Variants in UBA7 observed in about 807,000 individuals in gnomAD.
UBA7 encodes ubiquitin-like modifier-activating enzyme 7.
In UBA7, 88 loss-of-function variants were observed where a neutral mutation model predicts 113.0. The ratio of observed to expected loss-of-function variants is 0.78; its 90% confidence interval spans 0.66 to 0.93. The LOEUF (loss-of-function observed/expected upper bound fraction) is 0.93, where lower values mean the gene tolerates loss of function less well. UBA7 is among the 40% of genes least tolerant of loss of function. The pLI, the probability that UBA7 is intolerant of heterozygous loss-of-function variation, is 0.00. For synonymous variants in UBA7, 459 were observed against 513.0 expected (o/e 0.89, Z 1.42); for missense variants, 1,092 against 1,266.4 (o/e 0.86, Z 2.09).
In UBA7 at chr3:49,809,595, G is replaced by A. The variant is rs1195541771; in HGVS notation, c.2035C>T (p.Leu679Phe). The change falls in exon 16 of 24, where the codon CTC becomes TTC. Residue 679 changes from leucine (L) to phenylalanine (F), a missense_variant. This residue lies in a region of UBA7 where 500 missense variants were observed against 529.3 expected (regional missense o/e 0.94). Coordinates refer to ENST00000333486, the MANE Select transcript of UBA7 (RefSeq NM_003335.3). Reference protein sequence around the residue: ...CVAWALGHWKLCFHYGIKQLL... With the variant: ...CVAWALGHWKFCFHYGIKQLL... ...TGTTTGATGCCATAATGAAAGCAGAGTTTCCAGTGGCCAAGAGCCCACGCC... is the reference window on the plus strand; with the variant it reads ...TGTTTGATGCCATAATGAAAGCAGAATTTCCAGTGGCCAAGAGCCCACGCC... The A allele has an allele frequency of 1.2e-6, 2 of 1,614,126 alleles. No homozygotes were observed. Among genetic ancestry groups the A allele is most frequent in the East Asian group, 2.2e-5 (1 of 44,892 alleles).
At position 49,813,772 on chromosome 3, in the gene UBA7, C is replaced by T. The variant is rs765206263; in HGVS notation, c.16G>A (p.Ala6Thr). The T allele has an allele frequency of 1.1e-5, 17 of 1,614,084 alleles. No homozygotes were observed. The African/African-American group carries it at 1.1e-4, about 10-fold the overall frequency. Reference sequence around the variant, plus strand: ...AGCTCCTCATCCAGTAGCTTCGAAGCGTCCAGGGCATCCATCCTCAAACCT... The same window carrying T: ...AGCTCCTCATCCAGTAGCTTCGAAGTGTCCAGGGCATCCATCCTCAAACCT... MDALD[A>T]SKLLDEELYS... The change falls in exon 1 of 24, where the codon GCT becomes ACT. Residue 6 changes from alanine (A) to threonine (T), a missense_variant. By Grantham distance (58) the Ala-to-Thr change is moderately conservative. Around this residue, in one of 3 missense-constraint regions of UBA7, gnomAD observed 584 missense variants for 714.5 expected, o/e 0.82. Coordinates refer to ENST00000333486, the MANE Select transcript of UBA7 (RefSeq NM_003335.3).
At position 49,805,384 on chromosome 3, in the gene UBA7, C is replaced by T. The variant is rs908037461; in HGVS notation, c.2963G>A (p.Arg988Gln). The T allele has an allele frequency of 1.4e-5, 22 of 1,613,736 alleles. No homozygotes were observed. The highest frequency in any genetic ancestry group is 1.6e-4 in the Middle Eastern group (1 of 6,084). The change falls in exon 24 of 24, where the codon CGG (arginine) becomes CAG (glutamine). Residue 988 changes from arginine (R) to glutamine (Q), a missense_variant. This residue lies in a region of UBA7 where 500 missense variants were observed against 529.3 expected (regional missense o/e 0.94). Transcript: ENST00000333486. ...LTGQAPAPGQ[R>Q]VLVLELSCEG... is the part of the protein sequence containing the mutation. Reference sequence around the variant, plus strand: ...ACAGCTCAGCTCTAGCACCAACACCCGCTGCCCAGGAGCAGGTGCCTGGCC... The same window carrying T: ...ACAGCTCAGCTCTAGCACCAACACCTGCTGCCCAGGAGCAGGTGCCTGGCC...
In UBA7 at chr3:49,807,900, G is replaced by A. The variant is rs1348400625; in HGVS notation, c.2551C>T (p.Pro851Ser). ...QSKRIVGQII[P>S]AIATTTAAVA... ...GCTGCTGTAGTGGTGGCAATGGCTG[G>A]GATAATCTGGCCCACAATTCGCTTG... The change falls in exon 21 of 24, where the codon CCA (proline) becomes TCA (serine). Residue 851 changes from proline (P) to serine (S), a missense_variant. Around this residue, in one of 3 missense-constraint regions of UBA7, gnomAD observed 500 missense variants for 529.3 expected, o/e 0.94. Coordinates refer to ENST00000333486, the MANE Select transcript of UBA7 (RefSeq NM_003335.3). The surrounding 1 kb of genome is among the most constrained non-coding windows in gnomAD (Gnocchi z 4.0). 1 of 1,612,676 alleles carries A rather than the reference G, an allele frequency of 6.2e-7. No individual in the cohort carries two copies. Among genetic ancestry groups the A allele is most frequent in the South Asian group, 1.1e-5 (1 of 90,998 alleles).
At position 49,813,463 on chromosome 3, in the gene UBA7, C is replaced by A. The variant is rs1385742240; in HGVS notation, c.225+16G>T. ...CCACCTTGGTCTGGCAGCCCATAGC[C>A]CCCCAGGACACTTACCTGGGCAGCC... On this transcript the variant is annotated intron_variant, in intron 2 of 23. Coordinates refer to ENST00000333486, the MANE Select transcript of UBA7 (RefSeq NM_003335.3). The A allele has an allele frequency of 4.3e-6, 7 of 1,610,766 alleles. No individual in the cohort carries two copies. The African/African-American group carries it at 8.0e-5, about 18-fold the overall frequency.
rs1347625483 is a variant in UBA7 at position 49,805,256 on chromosome 3, AG to A, written c.*51del. On this transcript the variant is annotated 3_prime_UTR_variant, in exon 24 of 24. Transcript: ENST00000333486. ...AGTGCCTACTGTGGGCTTACAATGC[AG>A]GGCTTGGGATCCGGGGCTCCATTGA... 72 of 1,568,630 alleles carry A rather than the reference AG, an allele frequency of 4.6e-5. 1 individual carries two copies. The highest frequency in any genetic ancestry group is 5.5e-5 in the Non-Finnish European group (63 of 1,143,322).
Position 49,813,044 on chromosome 3 carries a change from G to A in UBA7, c.467+18C>T. ...TGCTGGCTGTAATATGGTAGGCTGG[G>A]CAGGCAGTCTTACTCACCCCACGAG... On this transcript the variant is annotated intron_variant, in intron 4 of 23. Transcript: ENST00000333486. The A allele has an allele frequency of 6.2e-7, 1 of 1,608,860 alleles. No homozygotes were observed. The highest frequency in any genetic ancestry group is 1.3e-5 in the African/African-American group (1 of 74,980).
rs745809451 is a variant in UBA7 at position 49,809,603 on chromosome 3, T to C, written c.2027A>G (p.His676Arg). The C allele has an allele frequency of 6.2e-7, 1 of 1,614,006 alleles. No individual in the cohort carries two copies. The highest frequency in any genetic ancestry group is 1.3e-5 in the African/African-American group (1 of 74,928). Reference sequence around the variant, plus strand: ...GCCATAATGAAAGCAGAGTTTCCAGTGGCCAAGAGCCCACGCCACACAGTC... The same window carrying C: ...GCCATAATGAAAGCAGAGTTTCCAGCGGCCAAGAGCCCACGCCACACAGTC... The part of the protein sequence containing the change: ...WQDCVAWALG[H>R]WKLCFHYGIK... The change falls in exon 16 of 24, where the codon CAC becomes CGC. Residue 676 changes from histidine (H) to arginine (R), a missense_variant. His to Arg is a conservative substitution (Grantham distance 29). Transcript: ENST00000333486.
Position 49,810,357 on chromosome 3 carries a change from G to T in UBA7, c.1539C>A (p.Thr513=), listed in dbSNP as rs1201535316. Residue 513 remains threonine (T), a synonymous_variant, in exon 13 of 24, where the codon ACC becomes ACA. Coordinates refer to ENST00000333486, the MANE Select transcript of UBA7 (RefSeq NM_003335.3). The surrounding 1 kb of genome is among the most constrained non-coding windows in gnomAD (Gnocchi z 5.6). ...GCTCTGTGGTGGGATCCAGTGGGTA[G>T]GTGAGCGGGATCACCTGTAAGTCTG... ...LNPDLQVIPL[T]YPLDPTTEHI... 1 of 1,614,178 alleles carries T rather than the reference G, an allele frequency of 6.2e-7. No homozygotes were observed. The highest frequency in any genetic ancestry group is 8.5e-7 in the Non-Finnish European group (1 of 1,180,026).
Position 49,812,457 on chromosome 3 carries a change from C to T in UBA7, c.645G>A (p.Glu215=), listed in dbSNP as rs1266911007. 6.2e-7 allele frequency: 1 copy of T among 1,614,120 alleles called. No individual in the cohort carries two copies. The highest frequency in any genetic ancestry group is 2.2e-5 in the East Asian group (1 of 44,898). ...DGDLVTFSGI[E]GMVELNDCDP... ...CACAGTCGTTGAGCTCAACCATTCCCTCAATTCCCGAGAAAGTCACCAAGT... is the reference window on the plus strand; with the variant it reads ...CACAGTCGTTGAGCTCAACCATTCCTTCAATTCCCGAGAAAGTCACCAAGT... Residue 215 remains glutamate (E), a synonymous_variant, in exon 6 of 24, where the codon GAG becomes GAA. Transcript: ENST00000333486.
Position 49,812,664 on chromosome 3 carries a change from A to G in UBA7, c.542T>C (p.Ile181Thr), listed in dbSNP as rs2081569005. The G allele has an allele frequency of 1.2e-6, 2 of 1,614,218 alleles. No homozygotes were observed. The highest frequency in any genetic ancestry group is 1.7e-6 in the Non-Finnish European group (2 of 1,180,038). ...PTEAEPLTAA[I>T]QHISQGSPGI... ...AGCACCCACCTGGGAGATGTGCTGGATGGCAGCTGTCAGGGGTTCTGCCTC... is the reference window on the plus strand; with the variant it reads ...AGCACCCACCTGGGAGATGTGCTGGGTGGCAGCTGTCAGGGGTTCTGCCTC... Residue 181 changes from isoleucine to threonine, a missense_variant, in exon 5 of 24, where the codon ATC (isoleucine) becomes ACC (threonine). Physicochemically the swap from Ile to Thr is moderately conservative, Grantham distance 89 (BLOSUM62 -1). Coordinates refer to ENST00000333486, the MANE Select transcript of UBA7 (RefSeq NM_003335.3).
Position 49,806,149 on chromosome 3 carries a change from C to T in UBA7, c.2732G>A (p.Trp911Ter), listed in dbSNP as rs1484945908. The change falls in exon 22 of 24, where the codon TGG becomes TAG. Residue 911 changes from tryptophan (W) to a stop codon, truncating the protein, a stop_gained. Coordinates refer to ENST00000333486, the MANE Select transcript of UBA7 (RefSeq NM_003335.3). LOFTEE classifies it high-confidence loss of function. ...PAIQTFHHLK[W>*]TSWDRLKVPA... ...TACCTTCAGACGGTCCCAAGAGGTC[C>T]ACTTCAGGTGATGGAACTGGGATGA... 6.2e-7 allele frequency: 1 copy of T among 1,600,614 alleles called. No homozygotes were observed. The highest frequency in any genetic ancestry group is 8.5e-7 in the Non-Finnish European group (1 of 1,174,168).
rs1455270584 is a variant in UBA7, at chr3:49,808,412, G to C, written c.2404C>G (p.Pro802Ala). 2.5e-6 allele frequency: 4 copies of C among 1,614,208 alleles called. No individual in the cohort carries two copies. In the South Asian group the frequency reaches 3.3e-5, roughly 13 times the overall value. Residue 802 changes from proline (P) to alanine (A), a missense_variant, in exon 19 of 24, where the codon CCC (proline) becomes GCC (alanine). Physicochemically the swap from Pro to Ala is conservative, Grantham distance 27 (BLOSUM62 -1). Coordinates refer to ENST00000333486, the MANE Select transcript of UBA7 (RefSeq NM_003335.3). ...KALEVWSVGP[P>A]LKPLMFEKDD... The stretch of plus-strand genomic sequence containing the variant: ...TTCTCAAACATCAGAGGCTTCAGGG[G>C]AGGGCCCACACTCCAGACTTCCAGG...
rs759934686 is a variant in UBA7, at chr3:49,813,718, A to G, written c.56+14T>C. 1 of 1,614,010 alleles carries G rather than the reference A, an allele frequency of 6.2e-7. No individual in the cohort carries two copies. The highest frequency in any genetic ancestry group is 8.5e-7 in the Non-Finnish European group (1 of 1,179,968). On this transcript the variant is annotated intron_variant, in intron 1 of 23. Coordinates refer to ENST00000333486, the MANE Select transcript of UBA7 (RefSeq NM_003335.3). Reference sequence around the variant, plus strand: ...AAGACCATCCCACTCTCCACCCCCCACCTCGGGCCTCACAGCTGTCTTGAA... The same window carrying G: ...AAGACCATCCCACTCTCCACCCCCCGCCTCGGGCCTCACAGCTGTCTTGAA...
chr3:49,813,365 C>T lies in UBA7; in HGVS notation c.244G>A (p.Asp82Asn). Residue 82 changes from aspartate (D) to asparagine (N), a missense_variant, in exon 3 of 24, where the codon GAC (aspartate) becomes AAC (asparagine). This residue lies in a region of UBA7 where 584 missense variants were observed against 714.5 expected (regional missense o/e 0.82). Coordinates refer to ENST00000333486, the MANE Select transcript of UBA7 (RefSeq NM_003335.3). ...LAAQFLLSEQ[D>N]LERSRAEASQ... is the part of the protein sequence containing the mutation. ...GCCTCGGCTCTGCTCCTTTCCAAGT[C>T]CTGCTCTGAGAGGAGAAACTAGGGA... 6.2e-7 allele frequency: 1 copy of T among 1,613,994 alleles called. No homozygotes were observed. The highest frequency in any genetic ancestry group is 2.2e-5 in the East Asian group (1 of 44,886).
intron 19 of UBA7, 136 bp downstream of exon 19, chr3:49,808,250 G>C: frequency 6.6e-7 from 1 of 1,508,984 alleles, no homozygotes; most frequent in Non-Finnish European, 9.2e-7. Context: ...ACAGGCTGAG[G>C]TTCAGGGAAT....
At chr3:49,806,789 A>C (rs560272595) in intron 21 of UBA7, among the ~76,000 whole-genome samples, 1 of 152,036 alleles carries the variant, frequency 6.6e-6, no homozygotes, top group South Asian at 2.1e-4. Flanking sequence ...GAGAAAACAC[A>C]CTGGGGTCAA....
intron 9 of UBA7, 46 bp downstream of exon 9, chr3:49,811,227 A>G: frequency 6.2e-7 from 1 of 1,610,900 alleles, no homozygotes. Context: ...ACACACACTG[A>G]TCTCCACATC....
At chr3:49,808,538 C>G in intron 18 of UBA7, 70 bp from the exon 19 acceptor site, 1 of 1,523,038 alleles carries the variant, frequency 6.6e-7, no homozygotes, top group East Asian at 2.3e-5. Flanking sequence ...AGCCCTGTGC[C>G]TATTCTTGGT....
rs774238337 is a variant in UBA7 at position 49,812,016 on chromosome 3, T to C, written c.793A>G (p.Lys265Glu). ...TGGAGCAGGGCTGTGTCCAGGGACT[T>C]CTGCAAGGGCACCTGGCTCAGGGTC... ...EVKRPKTVRH[K>E]SLDTALLQPH... is the part of the protein sequence containing the mutation. Residue 265 changes from lysine (K) to glutamate (E), a missense_variant and splice_region_variant, in exon 8 of 24, where the codon AAG (lysine) becomes GAG (glutamate). Lys to Glu is a moderately conservative substitution (Grantham distance 56). This residue lies in a region of UBA7 where 584 missense variants were observed against 714.5 expected (regional missense o/e 0.82). Coordinates refer to ENST00000333486, the MANE Select transcript of UBA7 (RefSeq NM_003335.3). The C allele has an allele frequency of 9.9e-6, 16 of 1,614,156 alleles. No homozygotes were observed. The highest frequency in any genetic ancestry group is 1.4e-5 in the Non-Finnish European group (16 of 1,180,008).
Sources: gnomAD v4.1 joint callset for allele counts (sites outside exome capture counted in the v4.1 genomes callset) on GRCh38, gnomAD v4.1.1 for gene constraint, gnomAD v4.1.1 regional missense constraint, Gnocchi (gnomAD v3.1) non-coding constraint, MANE v1.5 for transcripts, NCBI Gene and HGNC (gene_info 2026-07-23, HGNC 2026-07-21) for gene names.